IMMP2L: variants seen among roughly 807,000 people sequenced by gnomAD.
IMMP2L encodes the protein inner mitochondrial membrane peptidase subunit 2.
A neutral mutation model predicts 19.3 loss-of-function variants in IMMP2L; 18 were observed. The observed-to-expected ratio is 0.93, with a 90% confidence interval of 0.64 to 1.38. The LOEUF is 1.38. Ranked by LOEUF, IMMP2L falls within the 40% of genes most tolerant of loss-of-function variation. The pLI is 0.00. For missense variants in IMMP2L, 233 were observed against 218.2 expected (o/e 1.07, Z -0.43); for synonymous variants, 76 against 73.0 (o/e 1.04, Z -0.21).
chr7:111,454,414 T>C (rs1171435517), intron 3 of IMMP2L, among the ~76,000 whole-genome samples: 1 of 152,098 alleles, frequency 6.6e-6, no homozygotes, highest in Non-Finnish European at 1.5e-5. Context: ...CTGCTCTCCA[T>C]CAAATACATT....
At position 111,432,369 on chromosome 7, in the gene IMMP2L, G is replaced by A. The variant is rs1416298400; in HGVS notation, c.239+54869C>T. 2.0e-5 allele frequency among the ~76,000 whole-genome samples: 3 copies of A among 151,806 alleles called. 1 individual carries two copies. Among genetic ancestry groups the A allele is most frequent in the African/African-American group, 7.3e-5 (3 of 41,152 alleles). Reference sequence around the variant, plus strand: ...GAAGCAAGATTAGCTGGAACACCATGATCAGGTGGGATTTATCCTAGGGAA... The same window carrying A: ...GAAGCAAGATTAGCTGGAACACCATAATCAGGTGGGATTTATCCTAGGGAA... On this transcript the variant is annotated intron_variant, in intron 3 of 5. Transcript: ENST00000405709.
intron 3 of IMMP2L, among the ~76,000 whole-genome samples, chr7:110,964,064 G>A (rs1027024127): frequency 2.1e-4 from 32 of 151,982 alleles, no homozygotes; most frequent in African/African-American, 7.2e-4. Context: ...CCCTTCGCTT[G>A]CTTGCTCTCT....
At chr7:111,100,537 T>C (rs1797861522) in intron 3 of IMMP2L, among the ~76,000 whole-genome samples, 2 of 149,690 alleles carry the variant, frequency 1.3e-5, no homozygotes, top group Admixed American at 1.3e-4. Flanking sequence ...ACCTGATTAG[T>C]ATAATATTAT....
chr7:111,001,281 A>T (rs1222315073), intron 3 of IMMP2L, among the ~76,000 whole-genome samples: 1 of 152,246 alleles, frequency 6.6e-6, no homozygotes, highest in East Asian at 1.9e-4. Flanking sequence ...TATTACAAAC[A>T]TCTTTCTTTA....
At chr7:111,205,726 C>T (rs1172225390) in intron 3 of IMMP2L, among the ~76,000 whole-genome samples, 1 of 152,148 alleles carries the variant, frequency 6.6e-6, no homozygotes, top group Non-Finnish European at 1.5e-5. Flanking sequence ...TGCCATCTTG[C>T]TCCCATTCTG....
chr7:111,163,417 A>G (rs1805478743), intron 3 of IMMP2L, among the ~76,000 whole-genome samples: 1 of 152,036 alleles, frequency 6.6e-6, no homozygotes, highest in Non-Finnish European at 1.5e-5. Context: ...GCAACTATTT[A>G]TTACCGAATC....
Position 111,561,472 on chromosome 7 carries a change from G to A in IMMP2L, c.-3+379C>T, listed in dbSNP as rs189904769. On this transcript the variant is annotated intron_variant, in intron 1 of 5. Coordinates refer to ENST00000405709, the MANE Select transcript of IMMP2L (RefSeq NM_032549.4). ...GGGGTTACTGTTCATTATCAAACAGGACCTGGATTCTTTAGTGCTATGGTC... is the reference window on the plus strand; with the variant it reads ...GGGGTTACTGTTCATTATCAAACAGAACCTGGATTCTTTAGTGCTATGGTC... Among the ~76,000 whole-genome samples, 188 of 152,210 alleles carry A rather than the reference G, an allele frequency of 1.2e-3. 1 individual carries two copies. The highest frequency in any genetic ancestry group is 2.5e-3 in the Admixed American group (39 of 15,300).
intron 3 of IMMP2L, among the ~76,000 whole-genome samples, chr7:111,207,479 A>T (rs1282561245): frequency 6.7e-6 from 1 of 150,214 alleles, no homozygotes; most frequent in African/African-American, 2.5e-5. Flanking sequence ...CCACCAATTA[A>T]TTCCTAGCAA....
chr7:111,284,571 C>G (rs1227400969), intron 3 of IMMP2L, among the ~76,000 whole-genome samples: 4 of 152,170 alleles, frequency 2.6e-5, no homozygotes, highest in Admixed American at 2.6e-4. Flanking sequence ...CTGACAATGA[C>G]TTTGCTTAAG....
intron 3 of IMMP2L, among the ~76,000 whole-genome samples, chr7:111,168,416 G>A (rs548211996): frequency 5.9e-5 from 9 of 151,806 alleles, no homozygotes; most frequent in Admixed American, 1.3e-4. Context: ...ATAAACAGGA[G>A]GTTTGGATGT....
intron 3 of IMMP2L, among the ~76,000 whole-genome samples, chr7:111,312,077 C>A (rs1322116904): frequency 6.6e-6 from 1 of 152,104 alleles, no homozygotes; most frequent in South Asian, 2.1e-4. Flanking sequence ...ACATGATAAA[C>A]CCACTGCAAC....
intron 3 of IMMP2L, among the ~76,000 whole-genome samples, chr7:111,191,821 C>G (rs1341967488): frequency 6.6e-6 from 1 of 152,056 alleles, no homozygotes; most frequent in Non-Finnish European, 1.5e-5. Context: ...ACCTTCCCAT[C>G]CTAATCATCC....
chr7:111,352,618 T>C (rs76241313), intron 3 of IMMP2L, among the ~76,000 whole-genome samples: 6,456 of 152,186 alleles, frequency 0.042, 221 homozygotes, highest in South Asian at 0.08. Flanking sequence ...CATTCTGATT[T>C]TCCTCAGTAA....
At chr7:110,770,698 C>T (rs987158283) in intron 5 of IMMP2L, among the ~76,000 whole-genome samples, 1 of 152,160 alleles carries the variant, frequency 6.6e-6, no homozygotes, top group African/African-American at 2.4e-5. Flanking sequence ...ATTTGGGCAA[C>T]TATTACATTA....
At chr7:111,037,899 T>A (rs1791505048) in intron 3 of IMMP2L, among the ~76,000 whole-genome samples, 2 of 152,280 alleles carry the variant, frequency 1.3e-5, no homozygotes, top group Admixed American at 1.3e-4. Context: ...ATGACAGTTT[T>A]AAATGTACTG....
intron 5 of IMMP2L, among the ~76,000 whole-genome samples, chr7:110,787,485 C>CA (rs752995432): frequency 5.3e-5 from 8 of 151,866 alleles, no homozygotes; most frequent in Admixed American, 1.3e-4. Flanking sequence ...CAGAAATAAT[C>CA]AAGTTGCCAA....
chr7:111,273,735 C>G lies in IMMP2L; in HGVS notation c.239+213503G>C, dbSNP rs186003565. On this transcript the variant is annotated intron_variant, in intron 3 of 5. Coordinates refer to ENST00000405709, the MANE Select transcript of IMMP2L (RefSeq NM_032549.4). ...CGGTTAGGAACATTCAAGGCTCAAGCAAAATCATAGCCAAAACCACAAATA... is the reference window on the plus strand; with the variant it reads ...CGGTTAGGAACATTCAAGGCTCAAGGAAAATCATAGCCAAAACCACAAATA... 3.0e-4 allele frequency among the ~76,000 whole-genome samples: 46 copies of G among 152,014 alleles called. No homozygotes were observed. In the East Asian group the frequency reaches 7.6e-3, roughly 25 times the overall value.
At chr7:111,262,819 A>T (rs901886716) in intron 3 of IMMP2L, among the ~76,000 whole-genome samples, 1 of 152,106 alleles carries the variant, frequency 6.6e-6, no homozygotes, top group Non-Finnish European at 1.5e-5. Context: ...TGTGGAAAGG[A>T]CCTTGGAAGC....
chr7:111,101,524 C>T (rs1430658465), intron 3 of IMMP2L, among the ~76,000 whole-genome samples: 1 of 151,154 alleles, frequency 6.6e-6, no homozygotes, highest in Non-Finnish European at 1.5e-5. Flanking sequence ...CACTGTCTAC[C>T]ATTTTTGTTG....
Sources: gnomAD v4.1 joint callset for allele counts (sites outside exome capture counted in the v4.1 genomes callset) on GRCh38, gnomAD v4.1.1 for gene constraint, MANE v1.5 for transcripts, NCBI Gene and HGNC (gene_info 2026-07-23, HGNC 2026-07-21) for gene names.